OGFOD2: variants seen among roughly 807,000 people sequenced by gnomAD.
OGFOD2 encodes the protein 2-oxoglutarate and iron-dependent oxygenase domain-containing protein 2.
Under a neutral mutation model 31.1 loss-of-function variants are expected in OGFOD2, and 34 were observed. The ratio of observed to expected loss-of-function variants is 1.09; its 90% CI spans 0.83 to 1.45. OGFOD2 has a LOEUF of 1.45. Among genes scored for constraint, OGFOD2 ranks in the 40% most tolerant of loss-of-function variants. The probability of loss-of-function intolerance (pLI) is 0.00; values close to 1 mark genes in which losing one functional copy is unlikely to be tolerated. For synonymous variants in OGFOD2, 240 were observed against 192.3 expected (o/e 1.25, Z -2.05); for missense variants, 537 against 433.9 (o/e 1.24, Z -2.11).
intron 4 of OGFOD2, chr12:122,977,330 T>C: frequency 3.0e-6 from 1 of 333,592 alleles, no homozygotes; most frequent in East Asian, 8.4e-5. Context: ...CAGTAAGGAA[T>C]GGCAAAGCCC....
Position 122,979,322 on chromosome 12 carries a change from G to A in OGFOD2, c.1029G>A (p.Thr343=), listed in dbSNP as rs754789808. Residue 343 remains threonine (T), a synonymous_variant, in exon 7 of 7, where the codon ACG becomes ACA. Coordinates refer to ENST00000228922, the Ensembl canonical transcript of OGFOD2. ...GCTTCACCCGAGAGGAGCCCGCCAC[G>A]GTGGATGTATGTGCGCTCACCTGAG... The A allele has an allele frequency of 1.7e-5, 28 of 1,611,302 alleles. No individual in the cohort carries two copies. In the Middle Eastern group the frequency reaches 6.6e-4, roughly 38 times the overall value.
At position 122,978,899 on chromosome 12, in the gene OGFOD2, G is replaced by C. The variant is rs201495114; in HGVS notation, c.678G>C (p.Pro226=). 2.5e-6 allele frequency: 4 copies of C among 1,612,868 alleles called. No individual in the cohort carries two copies. In the East Asian group the frequency reaches 8.9e-5, roughly 36 times the overall value. Residue 226 remains proline, a synonymous_variant, in exon 6 of 7, where the codon CCG becomes CCC. Transcript: ENST00000228922. ...GGGCCTTTGTGGTCAAATACGCACC[G>C]GGCCAGGACCTGGAGCTGGGCTGCC...
chr12:122,976,376 T>A, intron 2 of OGFOD2: 1 of 1,613,868 alleles, frequency 6.2e-7, no homozygotes, highest in Non-Finnish European at 8.5e-7. Flanking sequence ...CTGTCTCCTG[T>A]CCCTGTGTGG....
In OGFOD2 at chr12:122,978,747, T is replaced by A; in HGVS notation, c.532-6T>A. On this transcript the variant is annotated splice_region_variant and splice_polypyrimidine_tract_variant and intron_variant, in intron 5 of 6. Transcript: ENST00000228922. ...TTCCTTGCTGACCCCAGGAATCCCC[T>A]CCCAGGTGCTGCTGCACGAGCTCGG... 6.2e-7 allele frequency: 1 copy of A among 1,606,052 alleles called. No homozygotes were observed. The highest frequency in any genetic ancestry group is 1.7e-5 in the Admixed American group (1 of 59,836).
At chr12:122,976,119 ACT>A in intron 2 of OGFOD2, 1 of 592,738 alleles carries the variant, frequency 1.7e-6, no homozygotes, top group Non-Finnish European at 3.0e-6. Context: ...CACAAGCACC[ACT>A]CTCATTTTGG....
At chr12:122,978,723 T>A in intron 5 of OGFOD2, 30 bp from the exon 6 acceptor site, 1 of 1,597,654 alleles carries the variant, frequency 6.3e-7, no homozygotes, top group Non-Finnish European at 8.5e-7. Context: ...CCCTCTAGTT[T>A]CCTTGCTGAC....
At chr12:122,975,838 G>A (rs1227369009) in exon 2 of OGFOD2, 2 of 702,976 alleles carry the variant, frequency 2.8e-6, no homozygotes, top group Non-Finnish European at 5.2e-6. Flanking sequence ...CTGTGTTAGC[G>A]CCAAGGACTT....
intron 1 of OGFOD2, 110 bp downstream of exon 1, chr12:122,975,493 A>G: frequency 3.4e-6 from 2 of 595,090 alleles, no homozygotes; most frequent in Non-Finnish European, 3.0e-6. Context: ...CCGTATCTTC[A>G]AATACAAGAA....
rs1403351307 is a variant in OGFOD2, at chr12:122,979,615, G to A, written c.*269G>A. 1.6e-5 allele frequency: 8 copies of A among 506,678 alleles called. No individual in the cohort carries two copies. The Admixed American group carries it at 2.6e-4, about 17-fold the overall frequency. 31.4% of individuals were successfully genotyped at this position (506,678 alleles called of 1,614,324 possible). ...TGGCTTCAGAGGACGTCCAGCCTCA[G>A]CTGGCCCCACGGAGAGCTCCAGGCA... On this transcript the variant is annotated 3_prime_UTR_variant, in exon 7 of 7. Coordinates refer to ENST00000228922, the Ensembl canonical transcript of OGFOD2.
chr12:122,979,087 C>T, exon 7 of OGFOD2: 1 of 1,597,182 alleles, frequency 6.3e-7, no homozygotes, highest in South Asian at 1.1e-5. Context: ...CTGCAGGCAC[C>T]CACAGCCCTG....
At chr12:122,977,100 T>G in intron 4 of OGFOD2, 130 bp downstream of exon 4, 1 of 803,540 alleles carries the variant, frequency 1.2e-6, no homozygotes, top group Non-Finnish European at 2.1e-6. Context: ...GCTGGAAGGG[T>G]CAGTGGGACC....
In OGFOD2 at chr12:122,975,974, T is replaced by G. The variant is rs539441022; in HGVS notation, c.189+107T>G. 10 of 663,400 alleles carry G rather than the reference T, an allele frequency of 1.5e-5. No individual in the cohort carries two copies. In the Admixed American group the frequency reaches 1.7e-4, roughly 11 times the overall value. 41.1% of individuals were successfully genotyped at this position (663,400 alleles called of 1,614,324 possible). Reference sequence around the variant, plus strand: ...AGTCCCTGATCCCTGAAGGGTCACTTAGGCCCTCACTTTCCTCCTTCCTGC... The same window carrying G: ...AGTCCCTGATCCCTGAAGGGTCACTGAGGCCCTCACTTTCCTCCTTCCTGC... On this transcript the variant is annotated intron_variant, in intron 2 of 6. Transcript: ENST00000228922.
intron 2 of OGFOD2, chr12:122,976,157 G>T (rs2037421210): frequency 1.7e-6 from 1 of 594,710 alleles, no homozygotes; most frequent in Non-Finnish European, 3.0e-6. Flanking sequence ...CTTAAAGAGG[G>T]ATCCCTTGCC....
exon 3 of OGFOD2, chr12:122,976,732 C>T (rs749284833): frequency 6.2e-7 from 1 of 1,613,908 alleles, no homozygotes. Context: ...GAGTTCCTAC[C>T]ACCCGGCACG....
intron 2 of OGFOD2, 198 bp downstream of exon 2, chr12:122,976,065 T>A (rs1566209541): frequency 3.3e-5 from 20 of 599,304 alleles, no homozygotes; most frequent in Non-Finnish European, 4.8e-5. Flanking sequence ...GCTAAGTTGC[T>A]AAGTTGCCTA....
chr12:122,977,422 C>G, intron 4 of OGFOD2: 1 of 209,732 alleles, frequency 4.8e-6, no homozygotes, highest in Non-Finnish European at 9.9e-6. Flanking sequence ...CCATGCCAAA[C>G]TCCAAGTAGG....
chr12:122,977,119 A>G, intron 4 of OGFOD2, 149 bp downstream of exon 4: 1 of 718,774 alleles, frequency 1.4e-6, no homozygotes, highest in Non-Finnish European at 2.5e-6. Flanking sequence ...CCAACCTGCC[A>G]GGAGCAGGAC....
chr12:122,975,694 A>G (rs2037399329), intron 1 of OGFOD2, 117 bp from the exon 2 acceptor site: 2 of 660,872 alleles, frequency 3.0e-6, no homozygotes, highest in Admixed American at 2.1e-5. Context: ...CATTCTCTCC[A>G]TGATCCTTTG....
At chr12:122,976,251 AGGCTGCTGCCAG>A (rs747668525) in intron 2 of OGFOD2, 148 of 803,760 alleles carry the variant, frequency 1.8e-4, no homozygotes, top group African/African-American at 3.4e-4. Flanking sequence ...TATACCCCGC[AGGCTGCTGCCAG>A]GGCTGCTGCC....
Sources: gnomAD v4.1 joint callset for allele counts on GRCh38, gnomAD v4.1.1 for gene constraint, MANE v1.5 for transcripts, NCBI Gene and HGNC (gene_info 2026-07-23, HGNC 2026-07-21) for gene names.